DTNB: variants seen among roughly 807,000 people sequenced by gnomAD.
DTNB encodes the protein dystrobrevin beta, also known as DTN-B.
DTNB carries 63 observed loss-of-function variants against 90.7 expected under a neutral mutation model. The ratio of observed to expected loss-of-function variants is 0.69; its 90% CI spans 0.57 to 0.86. The LOEUF (loss-of-function observed/expected upper bound fraction) is 0.86. Among genes scored for constraint, DTNB ranks in the 40% least tolerant of loss-of-function variants. The pLI, the probability that DTNB is intolerant of heterozygous loss-of-function variation, is 0.00. For missense variants in DTNB, 744 were observed against 807.1 expected (o/e 0.92, Z 0.95); for synonymous variants, 277 against 286.7 (o/e 0.97, Z 0.34).
chr2:25,403,229 C>T (rs1193960575), intron 16 of DTNB, among the ~76,000 whole-genome samples: 1 of 152,170 alleles, frequency 6.6e-6, no homozygotes, highest in Non-Finnish European at 1.5e-5. Flanking sequence ...GATTCTTGTG[C>T]CTCAGCCTCC....
intron 18 of DTNB, among the ~76,000 whole-genome samples, chr2:25,386,440 G>A (rs565216669): frequency 3.9e-5 from 6 of 152,290 alleles, no homozygotes; most frequent in African/African-American, 1.4e-4. Flanking sequence ...ACTACATTAG[G>A]TGGAAAGAAA....
At chr2:25,602,688 A>G (rs560094344) in intron 5 of DTNB, among the ~76,000 whole-genome samples, 1 of 152,376 alleles carries the variant, frequency 6.6e-6, no homozygotes, top group Non-Finnish European at 1.5e-5. Context: ...AGTGTGGTCT[A>G]TCAAAAACAT....
chr2:25,528,956 C>A (rs1245956330), intron 9 of DTNB, among the ~76,000 whole-genome samples: 3 of 152,160 alleles, frequency 2.0e-5, no homozygotes, highest in Non-Finnish European at 4.4e-5. Flanking sequence ...AGAAGGATGT[C>A]AATTCTCCCC....
At chr2:25,515,654 C>G (rs1031489187) in intron 9 of DTNB, among the ~76,000 whole-genome samples, 1 of 152,104 alleles carries the variant, frequency 6.6e-6, no homozygotes, top group Admixed American at 6.5e-5. Flanking sequence ...ATGGCGCAAT[C>G]TCGGCTCACT....
chr2:25,417,991 G>A (rs1247474276), intron 16 of DTNB, among the ~76,000 whole-genome samples: 1 of 152,144 alleles, frequency 6.6e-6, no homozygotes, highest in African/African-American at 2.4e-5. Flanking sequence ...GAAGTGATGC[G>A]TGTCACTTCC....
chr2:25,387,093 C>T lies in DTNB; in HGVS notation c.1825+196G>A. 1 of 547,104 alleles carries T rather than the reference C, an allele frequency of 1.8e-6. No homozygotes were observed. The highest frequency in any genetic ancestry group is 3.3e-6 in the Non-Finnish European group (1 of 303,990). 33.9% of individuals were successfully genotyped at this position (547,104 alleles called of 1,614,324 possible). On this transcript the variant is annotated intron_variant, in intron 18 of 20. Coordinates refer to ENST00000406818, the MANE Select transcript of DTNB (RefSeq NM_021907.5). This position sits in a 1 kb window ranked among gnomAD's most constrained non-coding sequence, Gnocchi z 4.5. ...TCCTGAGATAGGCCTGAATGTGAAA[C>T]CGCCCCTACGCGATCCTGTGTGACA...
intron 1 of DTNB, among the ~76,000 whole-genome samples, chr2:25,653,515 C>CTTT (rs1179518465): frequency 9.6e-5 from 6 of 62,248 alleles, no homozygotes; most frequent in Admixed American, 1.6e-4. Context: ...TTCTTTCTTT[C>CTTT]TTTTTTTTTT....
At chr2:25,599,253 G>A (rs1024619242) in intron 5 of DTNB, among the ~76,000 whole-genome samples, 3 of 151,382 alleles carry the variant, frequency 2.0e-5, no homozygotes, top group African/African-American at 7.3e-5. Flanking sequence ...TTTCTAGTTT[G>A]GGGAAATGAT....
At chr2:25,461,986 C>T (rs917039318) in intron 10 of DTNB, among the ~76,000 whole-genome samples, 1 of 152,170 alleles carries the variant, frequency 6.6e-6, no homozygotes, top group Non-Finnish European at 1.5e-5. Context: ...TAGCTCTAAG[C>T]CAATGCTAAT....
chr2:25,485,440 C>T (rs1488118966), intron 9 of DTNB, among the ~76,000 whole-genome samples: 24 of 152,320 alleles, frequency 1.6e-4, no homozygotes, highest in Admixed American at 1.6e-3. Flanking sequence ...TGATTTGTAA[C>T]AATTTGGTCT....
intron 1 of DTNB, among the ~76,000 whole-genome samples, chr2:25,669,837 G>A (rs1359330248): frequency 6.6e-6 from 1 of 151,914 alleles, no homozygotes; most frequent in African/African-American, 2.4e-5. Flanking sequence ...CCAGCTACTT[G>A]GGAGAATCAC....
rs146102336 is a variant in DTNB, at chr2:25,671,561, A to G, written c.-2+1825T>C. ...TATTACTTATTTTTCACACGAAGAAACTAAGGCCCTGAGAGAGTAACATAA... is the reference window on the plus strand; with the variant it reads ...TATTACTTATTTTTCACACGAAGAAGCTAAGGCCCTGAGAGAGTAACATAA... On this transcript the variant is annotated intron_variant, in intron 1 of 20. Transcript: ENST00000406818. Among the ~76,000 whole-genome samples the G allele has an allele frequency of 1.3e-4, 20 of 152,344 alleles. No individual in the cohort carries two copies. In the East Asian group the frequency reaches 3.7e-3, roughly 28 times the overall value.
intron 12 of DTNB, among the ~76,000 whole-genome samples, chr2:25,449,768 CTT>C (rs35325641): frequency 7.9e-5 from 11 of 139,578 alleles, no homozygotes; most frequent in African/African-American, 8.0e-5. Flanking sequence ...TTTTCTTTTT[CTT>C]TTTTTTTTTT....
chr2:25,614,094 G>A (rs751439831), intron 4 of DTNB, among the ~76,000 whole-genome samples: 5 of 152,072 alleles, frequency 3.3e-5, no homozygotes, highest in African/African-American at 4.8e-5. Flanking sequence ...AAGGCGATAC[G>A]ACCATTTGAA....
chr2:25,438,860 C>A (rs780807554), intron 12 of DTNB, among the ~76,000 whole-genome samples: 55 of 152,306 alleles, frequency 3.6e-4, no homozygotes, highest in Middle Eastern at 3.4e-3. Flanking sequence ...TCTTGATACG[C>A]CATGATGAAA....
At chr2:25,404,263 G>C (rs1333930843) in intron 16 of DTNB, among the ~76,000 whole-genome samples, 3 of 152,226 alleles carry the variant, frequency 2.0e-5, no homozygotes, top group Non-Finnish European at 4.4e-5. Flanking sequence ...CAGAGAAACA[G>C]AGGAAAAGCA....
chr2:25,642,082 A>T (rs2078450332), intron 2 of DTNB, among the ~76,000 whole-genome samples: 1 of 152,154 alleles, frequency 6.6e-6, no homozygotes, highest in Admixed American at 6.5e-5. Context: ...AGCCTCCCAA[A>T]GTGCTGGGAT....
intron 6 of DTNB, among the ~76,000 whole-genome samples, chr2:25,590,161 C>T (rs2063277312): frequency 6.6e-6 from 1 of 152,250 alleles, no homozygotes. Context: ...CAGCCCCGGC[C>T]TGGGGAGCTC....
intron 4 of DTNB, among the ~76,000 whole-genome samples, chr2:25,617,671 T>C (rs2071146612): frequency 6.6e-6 from 1 of 152,182 alleles, no homozygotes; most frequent in African/African-American, 2.4e-5. Flanking sequence ...TGCAGGTGGA[T>C]CACTTGAGAC....
Sources: allele counts gnomAD v4.1 joint callset (sites outside exome capture counted in the v4.1 genomes callset), GRCh38; gene constraint gnomAD v4.1.1; non-coding constraint Gnocchi (gnomAD v3.1); transcripts MANE v1.5; gene names NCBI Gene and HGNC (gene_info 2026-07-23, HGNC 2026-07-21).